NOL7: variants seen among roughly 807,000 people sequenced by gnomAD.
NOL7 encodes the protein nucleolar protein 7, also known as U3 small nucleolar RNA-associated protein NOL7.
Under a neutral mutation model 38.4 loss-of-function variants are expected in NOL7, and 36 were observed. That is an observed-to-expected ratio of 0.94 (90% CI 0.72 to 1.24). NOL7 has a LOEUF of 1.24. NOL7 is among the 50% of genes most tolerant of loss of function. The pLI is 0.00. For synonymous variants in NOL7, 142 were observed against 126.5 expected (o/e 1.12, Z -0.82); for missense variants, 350 against 315.1 (o/e 1.11, Z -0.84).
chr6:13,620,580 T>TA (rs751176334), intron 7 of NOL7, 95 bp downstream of exon 7: 15 of 1,214,362 alleles, frequency 1.2e-5, no homozygotes, highest in Non-Finnish European at 1.8e-5. Flanking sequence ...TTTTCCCCCT[T>TA]ATAATGGCTT....
At chr6:13,620,105 G>A in intron 5 of NOL7, 103 bp from the exon 6 acceptor site, 1 of 1,309,666 alleles carries the variant, frequency 7.6e-7, no homozygotes, top group Non-Finnish European at 1.0e-6. Flanking sequence ...AGTGAGCTGA[G>A]ATCGCGCAGC....
At chr6:13,626,198 G>A (rs1043144236), downstream of NOL7, among the ~76,000 whole-genome samples, 57 of 152,190 alleles carry the variant, frequency 3.7e-4, no homozygotes, top group African/African-American at 1.2e-3. Context: ...TCACTGGGAT[G>A]TCATCTTCTC....
chr6:13,618,506 CA>C (rs1444940623), intron 5 of NOL7, among the ~76,000 whole-genome samples: 1 of 152,058 alleles, frequency 6.6e-6, no homozygotes, highest in African/African-American at 2.4e-5. Context: ...CTCGGCCTCC[CA>C]AAGTGCTGGG....
chr6:13,625,028 C>G (rs993985698), downstream of NOL7, among the ~76,000 whole-genome samples: 1 of 152,186 alleles, frequency 6.6e-6, no homozygotes, highest in Non-Finnish European at 1.5e-5. Flanking sequence ...AGCTAGGAAT[C>G]CTGCCCTCTA....
At chr6:13,623,886 A>T (rs1282563146), downstream of NOL7, among the ~76,000 whole-genome samples, 1 of 151,844 alleles carries the variant, frequency 6.6e-6, no homozygotes, top group Non-Finnish European at 1.5e-5. Flanking sequence ...AATGGTGCTC[A>T]ACAATTAAAT....
chr6:13,628,823 AAGT>A (rs1191606750), intron 8 of NOL7, among the ~76,000 whole-genome samples: 13 of 152,234 alleles, frequency 8.5e-5, no homozygotes, highest in African/African-American at 2.4e-4. Flanking sequence ...AAACCCGCTA[AAGT>A]AGCATTAATG....
Position 13,618,068 on chromosome 6 carries a change from A to G in NOL7, c.429A>G (p.Gln143=), listed in dbSNP as rs770972860. 1.4e-5 allele frequency: 22 copies of G among 1,540,580 alleles called. No individual in the cohort carries two copies. The highest frequency in any genetic ancestry group is 1.9e-5 in the Non-Finnish European group (21 of 1,118,676). ...SPGKVKEVNL[Q]KKNEDCEKGN... ...AACTCTATTTTTTAGTTAATTTGCAAAAGAAAAATGAAGACTGTGAAAAAG... is the reference window on the plus strand; with the variant it reads ...AACTCTATTTTTTAGTTAATTTGCAGAAGAAAAATGAAGACTGTGAAAAAG... Residue 143 remains glutamine (Q), a synonymous_variant, in exon 5 of 8, where the codon CAA becomes CAG. Transcript: ENST00000451315.
chr6:13,631,236 T>C (rs1252637775), intron 8 of NOL7, among the ~76,000 whole-genome samples: 3 of 152,204 alleles, frequency 2.0e-5, no homozygotes, highest in East Asian at 1.9e-4. Context: ...ATGGAGTAGA[T>C]GAAGTTCAAA....
chr6:13,625,196 G>A (rs947774981), downstream of NOL7, among the ~76,000 whole-genome samples: 13 of 151,930 alleles, frequency 8.6e-5, no homozygotes, highest in African/African-American at 1.9e-4. Flanking sequence ...TGTTCTTAAC[G>A]TTCTCCGATT....
intron 3 of NOL7, among the ~76,000 whole-genome samples, chr6:13,616,839 G>A (rs1036530369): frequency 3.3e-5 from 5 of 152,174 alleles, no homozygotes; most frequent in Non-Finnish European, 7.3e-5. Flanking sequence ...ATCATTTAGT[G>A]GGGTAGCAGG....
At chr6:13,629,909 C>CG (rs1764728150) in intron 8 of NOL7, among the ~76,000 whole-genome samples, 2 of 122,600 alleles carry the variant, frequency 1.6e-5, no homozygotes, top group East Asian at 3.6e-4. Flanking sequence ...CTCTCTCTCT[C>CG]TCTCTCTCTC....
At chr6:13,622,595 C>T (rs1764481959), downstream of NOL7, 3 of 1,199,786 alleles carry the variant, frequency 2.5e-6, no homozygotes, top group East Asian at 7.9e-5. Flanking sequence ...CTACCACTCC[C>T]ATACCACTCT....
rs780389929 is a variant in NOL7, at chr6:13,621,495, G to A, written c.*668G>A. On this transcript the variant is annotated 3_prime_UTR_variant, in exon 8 of 8. Coordinates refer to ENST00000451315, the MANE Select transcript of NOL7 (RefSeq NM_016167.5). ...CTAATATATAAACTCAATTGACACT[G>A]TATCTGTAGAAGTAAATTTTTAATG... 1 of 152,568 alleles carries A rather than the reference G, an allele frequency of 6.6e-6. No individual in the cohort carries two copies. Among genetic ancestry groups the A allele is most frequent in the Non-Finnish European group, 1.5e-5 (1 of 68,020 alleles). The allele number at this position is 152,568 out of a possible 1,614,324, so 9.5% of individuals were successfully genotyped here.
chr6:13,616,579 A>G (rs1484154833), intron 3 of NOL7, 58 bp downstream of exon 3: 1 of 1,127,422 alleles, frequency 8.9e-7, no homozygotes, highest in Non-Finnish European at 1.3e-6. Flanking sequence ...TGAATTATAT[A>G]CTGGTACATT....
intron 7 of NOL7, 57 bp downstream of exon 7, chr6:13,620,542 T>C: frequency 1.3e-6 from 2 of 1,493,402 alleles, no homozygotes; most frequent in Non-Finnish European, 1.9e-6. Flanking sequence ...AATAATGTTC[T>C]TTTGAAGGAG....
intron 8 of NOL7, among the ~76,000 whole-genome samples, chr6:13,628,689 T>G (rs1341780889): frequency 6.6e-6 from 1 of 152,214 alleles, no homozygotes; most frequent in East Asian, 1.9e-4. Flanking sequence ...GATTCTTTCT[T>G]CACAAAGGAA....
chr6:13,624,942 G>C (rs879718521), downstream of NOL7, among the ~76,000 whole-genome samples: 1 of 152,176 alleles, frequency 6.6e-6, no homozygotes, highest in African/African-American at 2.4e-5. Context: ...TGTGATACCA[G>C]TGGCTTAGGC....
At position 13,620,188 on chromosome 6, in the gene NOL7, C is replaced by T. The variant is rs781628656; in HGVS notation, c.501-20C>T. ...GTAAGCATGTGTAATTCTTATTTAACCTTTTATATTGATCAACAGCCAGAA... is the reference window on the plus strand; with the variant it reads ...GTAAGCATGTGTAATTCTTATTTAATCTTTTATATTGATCAACAGCCAGAA... On this transcript the variant is annotated intron_variant, in intron 5 of 7. Transcript: ENST00000451315. The T allele has an allele frequency of 5.0e-5, 80 of 1,591,070 alleles. No individual in the cohort carries two copies. Among genetic ancestry groups the T allele is most frequent in the Admixed American group, 1.1e-4 (6 of 52,592 alleles).
downstream of NOL7, among the ~76,000 whole-genome samples, chr6:13,625,495 A>G (rs373070186): frequency 1.3e-5 from 2 of 152,314 alleles, no homozygotes; most frequent in South Asian, 4.1e-4. Context: ...ATCTGGAATT[A>G]AAGGAGGGGG....
Sources: allele counts gnomAD v4.1 joint callset (sites outside exome capture counted in the v4.1 genomes callset), GRCh38; gene constraint gnomAD v4.1.1; transcripts MANE v1.5; gene names NCBI Gene and HGNC (gene_info 2026-07-23, HGNC 2026-07-21).